Variants in PCDHA1 observed in about 807,000 individuals in gnomAD.
The protein encoded by PCDHA1 is protocadherin alpha-1.
Under a neutral mutation model 61.3 loss-of-function variants are expected in PCDHA1, and 42 were observed. That is an observed-to-expected ratio of 0.69 (90% confidence interval 0.54 to 0.89). PCDHA1 has a LOEUF of 0.89. Among genes scored for constraint, PCDHA1 ranks in the 40% least tolerant of loss-of-function variants. The pLI is 0.00. For synonymous variants in PCDHA1, 610 were observed against 553.8 expected, an observed-to-expected ratio of 1.10 and a Z score of -1.43; for missense variants, 1,256 against 1,235.3, an observed-to-expected ratio of 1.02 and a Z score of -0.25.
intron 1 of PCDHA1, chr5:140,882,358 G>T (rs1554173779): frequency 3.7e-6 from 6 of 1,614,232 alleles, no homozygotes; most frequent in Middle Eastern, 1.7e-4. Flanking sequence ...GTAGTGGCCA[G>T]CTCCACTACT....
chr5:140,821,856 C>G, intron 1 of PCDHA1: 1 of 1,614,160 alleles, frequency 6.2e-7, no homozygotes, highest in East Asian at 2.2e-5. Flanking sequence ...AGGCAGGGAG[C>G]GGCCAGCTCC....
intron 1 of PCDHA1, among the ~76,000 whole-genome samples, chr5:140,791,298 C>T (rs1384373566): frequency 6.6e-6 from 1 of 152,158 alleles, no homozygotes; most frequent in Non-Finnish European, 1.5e-5. Flanking sequence ...AATTATGTAA[C>T]TGCCAGTGAA....
chr5:140,876,787 G>A, intron 1 of PCDHA1: 1 of 1,614,228 alleles, frequency 6.2e-7, no homozygotes, highest in Non-Finnish European at 8.5e-7. Context: ...GTGGGCCACG[G>A]CTAGAGTGTC....
At chr5:140,940,398 T>C (rs936966571) in intron 1 of PCDHA1, among the ~76,000 whole-genome samples, 10 of 152,340 alleles carry the variant, frequency 6.6e-5, no homozygotes, top group African/African-American at 2.4e-4. Context: ...TATTGTGTTT[T>C]TCATTTTAAA....
intron 1 of PCDHA1, among the ~76,000 whole-genome samples, chr5:140,899,424 T>A (rs1437811361): frequency 6.6e-6 from 1 of 152,206 alleles, no homozygotes; most frequent in African/African-American, 2.4e-5. Flanking sequence ...TTGTCAAAGG[T>A]CTTTTCTGCA....
At chr5:140,922,655 C>G (rs1468761948) in intron 1 of PCDHA1, among the ~76,000 whole-genome samples, 1 of 152,134 alleles carries the variant, frequency 6.6e-6, no homozygotes, top group Non-Finnish European at 1.5e-5. Context: ...GTAAATATGG[C>G]TATACTGCAA....
chr5:140,809,161 G>C (rs782214418), intron 1 of PCDHA1: 1 of 1,613,954 alleles, frequency 6.2e-7, no homozygotes. Flanking sequence ...GCGAGCCCGC[G>C]CTGACGGCCA....
chr5:140,912,260 C>T (rs1451576363), intron 1 of PCDHA1, among the ~76,000 whole-genome samples: 2 of 152,160 alleles, frequency 1.3e-5, no homozygotes, highest in African/African-American at 4.8e-5. Context: ...TTTGATGACA[C>T]CCTCACAGAT....
Position 140,788,519 on chromosome 5 carries a change from C to A in PCDHA1, c.2229C>A (p.Ser743Arg). 2 of 1,614,074 alleles carry A rather than the reference C, an allele frequency of 1.2e-6. No homozygotes were observed. The highest frequency in any genetic ancestry group is 1.7e-6 in the Non-Finnish European group (2 of 1,179,940). ...VPGKPTLVCS[S>R]ALGSWSNSQQ... Reference sequence around the variant, plus strand: ...GCAAGCCCACTCTGGTGTGCTCCAGCGCGTTGGGGAGCTGGTCGAACTCAC... The same window carrying A: ...GCAAGCCCACTCTGGTGTGCTCCAGAGCGTTGGGGAGCTGGTCGAACTCAC... Residue 743 changes from serine (S) to arginine (R), a missense_variant, in exon 1 of 4, where the codon AGC becomes AGA. Coordinates refer to ENST00000504120, the MANE Select transcript of PCDHA1 (RefSeq NM_018900.4).
At chr5:140,863,090 C>G (rs782806970) in intron 1 of PCDHA1, 1 of 575,070 alleles carries the variant, frequency 1.7e-6, no homozygotes, top group African/African-American at 1.9e-5. Flanking sequence ...GAGATCAGCA[C>G]GACGAGTACC....
At chr5:140,912,654 G>T (rs1411811349) in intron 1 of PCDHA1, among the ~76,000 whole-genome samples, 4 of 152,076 alleles carry the variant, frequency 2.6e-5, no homozygotes, top group Non-Finnish European at 5.9e-5. Flanking sequence ...GAATAGAAGT[G>T]GTGAAAATGG....
Position 140,787,189 on chromosome 5 carries a change from G to A in PCDHA1, c.899G>A (p.Gly300Glu), listed in dbSNP as rs1761356153. ...QEKFKVDSSSGEIRLIDKLDY... is the reference protein window; with the variant it reads ...QEKFKVDSSSEEIRLIDKLDY... ...AAATTCAAAGTTGATTCCAGCTCAG[G>A]AGAAATTAGGTTAATTGATAAACTG... is the stretch of plus-strand genomic sequence containing the variant. The change falls in exon 1 of 4, where the codon GGA (glycine) becomes GAA (glutamate). Residue 300 changes from glycine to glutamate, a missense_variant. Transcript: ENST00000504120. The A allele has an allele frequency of 6.2e-7, 1 of 1,613,958 alleles. No homozygotes were observed. Among genetic ancestry groups the A allele is most frequent in the Admixed American group, 1.7e-5 (1 of 60,004 alleles).
intron 1 of PCDHA1, chr5:140,858,003 A>G: frequency 6.3e-7 from 1 of 1,596,628 alleles, no homozygotes; most frequent in Non-Finnish European, 8.6e-7. Flanking sequence ...CTGGTGAAGG[A>G]CCATGGCGAG....
Position 140,883,460 on chromosome 5 carries a change from G to C in PCDHA1, c.2394+94776G>C, listed in dbSNP as rs1554178305. 4 of 1,614,138 alleles carry C rather than the reference G, an allele frequency of 2.5e-6. No individual in the cohort carries two copies. The African/African-American group carries it at 5.3e-5, about 22-fold the overall frequency. On this transcript the variant is annotated intron_variant, in intron 1 of 3. Transcript: ENST00000504120. Reference sequence around the variant, plus strand: ...GACGCCGCATGTCCCCTTCAAGCTGGTGTCCACCTACAAGAACTACTACTC... The same window carrying C: ...GACGCCGCATGTCCCCTTCAAGCTGCTGTCCACCTACAAGAACTACTACTC...
intron 1 of PCDHA1, chr5:140,849,631 C>T (rs1420116436): frequency 1.3e-6 from 2 of 1,598,614 alleles, no homozygotes; most frequent in Admixed American, 1.7e-5. Context: ...GACCTAGACG[C>T]AGATGCCAAC....
intron 1 of PCDHA1, chr5:140,836,577 T>G (rs1283554877): frequency 1.2e-6 from 2 of 1,613,536 alleles, no homozygotes; most frequent in Non-Finnish European, 1.7e-6. Flanking sequence ...TGAGGGCGCA[T>G]GTAGTTTGGT....
At chr5:140,808,987 C>T (rs1554124939) in intron 1 of PCDHA1, 1 of 1,613,708 alleles carries the variant, frequency 6.2e-7, no homozygotes, top group South Asian at 1.1e-5. Context: ...TGGATGCTGA[C>T]TCGGGCTACA....
chr5:140,848,439 G>A (rs2150410405), intron 1 of PCDHA1: 1 of 1,486,148 alleles, frequency 6.7e-7, no homozygotes, highest in African/African-American at 1.4e-5. Flanking sequence ...GAAATCAGAT[G>A]ATTTCTTCTA....
At chr5:140,967,252 G>A (rs199714982) in intron 1 of PCDHA1, 1 of 1,613,504 alleles carries the variant, frequency 6.2e-7, no homozygotes, top group Non-Finnish European at 8.5e-7. Flanking sequence ...AATCGGTGGC[G>A]CCTGGAGCGC....
Sources: allele counts gnomAD v4.1 joint callset (sites outside exome capture counted in the v4.1 genomes callset), GRCh38; gene constraint gnomAD v4.1.1; transcripts MANE v1.5; gene names NCBI Gene and HGNC (gene_info 2026-07-23, HGNC 2026-07-21).